The following FAM81A variants were observed in gnomAD, a reference collection of about 807,000 sequenced individuals.
FAM81A encodes protein FAM81A.
A neutral mutation model predicts 46.7 loss-of-function variants in FAM81A; 19 were observed. The observed-to-expected ratio is 0.41, with a 90% CI of 0.28 to 0.60. The LOEUF is 0.60. Ranked by LOEUF, FAM81A falls within the 20% of genes least tolerant of loss-of-function variation. The pLI is 0.34. For missense variants in FAM81A, 377 were observed against 453.5 expected (o/e 0.83, Z 1.53); for synonymous variants, 183 against 152.9 (o/e 1.20, Z -1.45).
intron 1 of FAM81A, chr15:59,445,268 A>C (rs1285307628): frequency 6.6e-6 from 1 of 152,188 alleles, no homozygotes; most frequent in African/African-American, 2.4e-5. Flanking sequence ...TGCAGGCAAG[A>C]CATTGTGCTG....
intron 4 of FAM81A, among the ~76,000 whole-genome samples, chr15:59,498,547 G>A (rs1300983034): frequency 2.6e-5 from 4 of 152,146 alleles, no homozygotes; most frequent in Admixed American, 6.5e-5. Context: ...CTAGAACCTC[G>A]AGTACGATGT....
intron 5 of FAM81A, among the ~76,000 whole-genome samples, chr15:59,507,667 C>T (rs1382230842): frequency 6.6e-6 from 1 of 152,164 alleles, no homozygotes; most frequent in Non-Finnish European, 1.5e-5. Flanking sequence ...ATCAAGCATC[C>T]TTTACATGCC....
upstream of FAM81A, among the ~76,000 whole-genome samples, chr15:59,435,583 C>T (rs1374794383): frequency 1.3e-5 from 2 of 152,166 alleles, no homozygotes; most frequent in Non-Finnish European, 2.9e-5. Flanking sequence ...TCGAGAGCCT[C>T]TGCATTCTAG....
At chr15:59,472,446 G>C (rs181301217) in intron 3 of FAM81A, among the ~76,000 whole-genome samples, 1 of 152,064 alleles carries the variant, frequency 6.6e-6, no homozygotes, top group African/African-American at 2.4e-5. Flanking sequence ...CTTTGCCTGC[G>C]GGATACTGGC....
intron 1 of FAM81A, among the ~76,000 whole-genome samples, chr15:59,453,084 A>G (rs2081438496): frequency 6.6e-6 from 1 of 152,226 alleles, no homozygotes; most frequent in Non-Finnish European, 1.5e-5. Context: ...TTTAAAAAAT[A>G]GATATGTATT....
chr15:59,481,946 A>G (rs1182995006), intron 3 of FAM81A, among the ~76,000 whole-genome samples: 1 of 151,716 alleles, frequency 6.6e-6, no homozygotes. Flanking sequence ...TGAAAATGCT[A>G]TTTTTGAGGT....
At chr15:59,463,751 C>T (rs1191247232) in intron 3 of FAM81A, among the ~76,000 whole-genome samples, 1 of 57,172 alleles carries the variant, frequency 1.7e-5, no homozygotes, top group African/African-American at 9.4e-5. Flanking sequence ...GAGTTGCCAT[C>T]TTAATTACTG....
At chr15:59,454,162 G>C (rs1308332525) in intron 1 of FAM81A, among the ~76,000 whole-genome samples, 5 of 152,154 alleles carry the variant, frequency 3.3e-5, no homozygotes, top group South Asian at 4.1e-4. Flanking sequence ...TAAGGAAATA[G>C]GGTTTTTTGT....
exon 2 of FAM81A, chr15:59,402,301 C>T (rs907359317): frequency 2.5e-5 from 4 of 157,284 alleles, no homozygotes; most frequent in Non-Finnish European, 5.6e-5. Context: ...GCCTTCAACT[C>T]CAGCAAGGAT....
intron 6 of FAM81A, among the ~76,000 whole-genome samples, chr15:59,513,803 A>G (rs1447760429): frequency 6.6e-6 from 1 of 152,250 alleles, no homozygotes; most frequent in Non-Finnish European, 1.5e-5. Flanking sequence ...AGTGTTCACA[A>G]TAGCAAAGAT....
At chr15:59,501,705 C>T (rs2082092735) in intron 4 of FAM81A, among the ~76,000 whole-genome samples, 1 of 152,160 alleles carries the variant, frequency 6.6e-6, no homozygotes, top group Admixed American at 6.5e-5. Flanking sequence ...GTCACTCTGC[C>T]ACCTGATGGC....
intron 1 of FAM81A, among the ~76,000 whole-genome samples, chr15:59,454,479 T>G (rs2081458368): frequency 6.6e-6 from 1 of 152,254 alleles, no homozygotes; most frequent in African/African-American, 2.4e-5. Context: ...TCTCTATGTA[T>G]ATCTACTTCC....
At chr15:59,436,858 C>T (rs1199103610), upstream of FAM81A, among the ~76,000 whole-genome samples, 3 of 152,338 alleles carry the variant, frequency 2.0e-5, no homozygotes, top group East Asian at 1.9e-4. Flanking sequence ...CTGGTCACAA[C>T]GGCAGTGTTA....
intron 3 of FAM81A, among the ~76,000 whole-genome samples, chr15:59,468,728 A>G (rs1327890718): frequency 6.7e-6 from 1 of 148,580 alleles, no homozygotes; most frequent in East Asian, 2.0e-4. Context: ...TTCTGCTTTG[A>G]GCTTAGTTAT....
At chr15:59,495,607 C>T (rs1003540736) in intron 4 of FAM81A, among the ~76,000 whole-genome samples, 2 of 152,154 alleles carry the variant, frequency 1.3e-5, no homozygotes, top group African/African-American at 2.4e-5. Flanking sequence ...GACTGTTTGC[C>T]GAAGTGGCCG....
chr15:59,468,761 GA>G (rs2141670959), intron 3 of FAM81A, among the ~76,000 whole-genome samples: 1 of 151,892 alleles, frequency 6.6e-6, no homozygotes, highest in South Asian at 2.1e-4. Context: ...GCTAGCTTTT[GA>G]ATGTGTTTGC....
Position 59,488,287 on chromosome 15 carries a change from A to T in FAM81A, c.295-3984A>T, listed in dbSNP as rs144829590. Among the ~76,000 whole-genome samples, 173 of 152,344 alleles carry T rather than the reference A, an allele frequency of 1.1e-3. 3 individuals carry two copies. The East Asian group carries it at 0.027, about 24-fold the overall frequency. On this transcript the variant is annotated intron_variant, in intron 3 of 8. Coordinates refer to ENST00000288228, the MANE Select transcript of FAM81A (RefSeq NM_152450.3). ...AACACATCTCAACATAATAAAAGCCATATATGACAGACCCACAGTTAGTAA... is the reference window on the plus strand; with the variant it reads ...AACACATCTCAACATAATAAAAGCCTTATATGACAGACCCACAGTTAGTAA...
intron 1 of FAM81A, among the ~76,000 whole-genome samples, chr15:59,450,671 A>G (rs1263640490): frequency 6.6e-6 from 1 of 152,240 alleles, no homozygotes; most frequent in African/African-American, 2.4e-5. Flanking sequence ...TCCATTGTCC[A>G]GAACAGAGCC....
At chr15:59,451,372 C>T (rs2081416418) in intron 1 of FAM81A, among the ~76,000 whole-genome samples, 1 of 152,102 alleles carries the variant, frequency 6.6e-6, no homozygotes, top group South Asian at 2.1e-4. Context: ...TGTCACTGGA[C>T]CATGGGAGCC....
Sources: allele counts gnomAD v4.1 joint callset (sites outside exome capture counted in the v4.1 genomes callset), GRCh38; gene constraint gnomAD v4.1.1; transcripts MANE v1.5; gene names NCBI Gene and HGNC (gene_info 2026-07-23, HGNC 2026-07-21).